DNAH14: variants seen among roughly 807,000 people sequenced by gnomAD.
DNAH14 encodes axonemal beta dynein heavy chain 14.
Under a neutral mutation model 520.9 loss-of-function variants are expected in DNAH14, and 478 were observed. The observed-to-expected ratio is 0.92, with a 90% CI of 0.85 to 0.99. The LOEUF is 0.99. Ranked by LOEUF, DNAH14 falls within the 50% of genes least tolerant of loss-of-function variation. DNAH14 has a pLI of 0.00. For missense variants in DNAH14, 4,831 were observed against 5,234.5 expected (o/e 0.92, Z 2.38); for synonymous variants, 1,581 against 1,757.2 (o/e 0.90, Z 2.51).
chr1:225,187,550 C>T (rs901656709), intron 37 of DNAH14, among the ~76,000 whole-genome samples: 1 of 151,754 alleles, frequency 6.6e-6, no homozygotes, highest in Non-Finnish European at 1.5e-5. Flanking sequence ...CTGTGTTTAG[C>T]TTTTTGAGGA....
chr1:225,259,078 T>C, intron 45 of DNAH14, 43 bp from the exon 46 acceptor site: 7 of 1,485,298 alleles, frequency 4.7e-6, no homozygotes, highest in Non-Finnish European at 6.2e-6. Flanking sequence ...ACATGTATCA[T>C]TTTCTTGCAT....
At chr1:225,381,743 CTCT>C (rs1453199388) in intron 81 of DNAH14, among the ~76,000 whole-genome samples, 164 bp downstream of exon 81, 1 of 152,188 alleles carries the variant, frequency 6.6e-6, no homozygotes, top group Non-Finnish European at 1.5e-5. Flanking sequence ...GTTGGAATGC[CTCT>C]TAACAGTCAC....
intron 77 of DNAH14, among the ~76,000 whole-genome samples, chr1:225,372,152 T>G (rs147899807): frequency 6.6e-6 from 1 of 152,258 alleles, no homozygotes; most frequent in African/African-American, 2.4e-5. Flanking sequence ...GCTTCCCATA[T>G]CATAACTATC....
At chr1:225,247,706 G>A (rs1278468841) in intron 43 of DNAH14, among the ~76,000 whole-genome samples, 1 of 152,152 alleles carries the variant, frequency 6.6e-6, no homozygotes, top group Non-Finnish European at 1.5e-5. Flanking sequence ...ATAGAGAAAA[G>A]ACAATATCTA....
intron 55 of DNAH14, among the ~76,000 whole-genome samples, chr1:225,293,218 T>C (rs1178014274): frequency 6.6e-6 from 1 of 152,098 alleles, no homozygotes; most frequent in African/African-American, 2.4e-5. Context: ...TTATACATGG[T>C]TGGTGGGTGT....
At chr1:225,347,202 A>G (rs2150431718) in intron 71 of DNAH14, among the ~76,000 whole-genome samples, 1 of 152,308 alleles carries the variant, frequency 6.6e-6, no homozygotes, top group Non-Finnish European at 1.5e-5. Flanking sequence ...TTAAGTCTGC[A>G]AGATGGCAGA....
chr1:225,327,726 T>C (rs1178271277), intron 64 of DNAH14, among the ~76,000 whole-genome samples: 3 of 146,030 alleles, frequency 2.1e-5, no homozygotes, highest in Non-Finnish European at 1.5e-5. Flanking sequence ...AAGATTAGAG[T>C]AGAGATAAAC....
intron 17 of DNAH14, among the ~76,000 whole-genome samples, chr1:225,062,500 A>T (rs2070295787): frequency 6.6e-6 from 1 of 152,090 alleles, no homozygotes; most frequent in South Asian, 2.1e-4. Flanking sequence ...TAAGTTGAGG[A>T]TATGGCTGAA....
chr1:225,348,912 A>G (rs1187120275), intron 71 of DNAH14, among the ~76,000 whole-genome samples: 1 of 152,240 alleles, frequency 6.6e-6, no homozygotes, highest in Non-Finnish European at 1.5e-5. Context: ...TATGCAATAT[A>G]TAAAAATGTA....
At chr1:225,290,666 T>C (rs1316116641) in intron 55 of DNAH14, among the ~76,000 whole-genome samples, 4 of 116,878 alleles carry the variant, frequency 3.4e-5, no homozygotes, top group Non-Finnish European at 5.0e-5. Context: ...TATATATATA[T>C]ATATATATAT....
At position 225,062,643 on chromosome 1, in the gene DNAH14, A is replaced by G. The variant is rs576717570; in HGVS notation, c.2424+10848A>G. Among the ~76,000 whole-genome samples, 15 of 152,350 alleles carry G rather than the reference A, an allele frequency of 9.8e-5. No homozygotes were observed. In the East Asian group the frequency reaches 2.7e-3, roughly 27 times the overall value. On this transcript the variant is annotated intron_variant, in intron 17 of 85. Coordinates refer to ENST00000682510, the MANE Select transcript of DNAH14 (RefSeq NM_001367479.1). ...AAGTTCACAAAGATGAATTGGAACCACTAATTGTAAGCAGAACAATCTTTT... is the reference window on the plus strand; with the variant it reads ...AAGTTCACAAAGATGAATTGGAACCGCTAATTGTAAGCAGAACAATCTTTT...
intron 23 of DNAH14, among the ~76,000 whole-genome samples, chr1:225,105,716 C>CT (rs1040695595): frequency 6.6e-6 from 1 of 151,974 alleles, no homozygotes; most frequent in African/African-American, 2.4e-5. Flanking sequence ...AACGCCTGCC[C>CT]TTTTTTGTTT....
chr1:225,045,795 A>G (rs1265059789), intron 15 of DNAH14, among the ~76,000 whole-genome samples: 1 of 152,132 alleles, frequency 6.6e-6, no homozygotes, highest in Non-Finnish European at 1.5e-5. Flanking sequence ...AGGTTTCTCC[A>G]TGATGAAGTT....
At chr1:225,345,793 T>C (rs1046485674) in intron 69 of DNAH14, among the ~76,000 whole-genome samples, 169 bp from the exon 70 acceptor site, 1 of 152,128 alleles carries the variant, frequency 6.6e-6, no homozygotes, top group African/African-American at 2.4e-5. Context: ...AATTTATTAA[T>C]CAAATTCTTA....
chr1:225,058,247 G>T (rs1370957076), intron 17 of DNAH14, among the ~76,000 whole-genome samples: 1 of 152,092 alleles, frequency 6.6e-6, no homozygotes, highest in Non-Finnish European at 1.5e-5. Flanking sequence ...CTTCTTCCTG[G>T]TTTAGTCTTG....
intron 36 of DNAH14, among the ~76,000 whole-genome samples, chr1:225,171,731 A>G (rs1270824406): frequency 6.6e-6 from 1 of 152,184 alleles, no homozygotes; most frequent in Non-Finnish European, 1.5e-5. Flanking sequence ...AACTATTCCA[A>G]TCAATAGAAA....
At chr1:225,155,588 C>G (rs1042657155) in intron 34 of DNAH14, among the ~76,000 whole-genome samples, 1 of 152,182 alleles carries the variant, frequency 6.6e-6, no homozygotes, top group African/African-American at 2.4e-5. Flanking sequence ...GTCCTGTAGT[C>G]ACCTAGTTCT....
intron 48 of DNAH14, among the ~76,000 whole-genome samples, chr1:225,266,226 A>G (rs2093111625): frequency 6.6e-6 from 1 of 152,180 alleles, no homozygotes; most frequent in Admixed American, 6.5e-5. Context: ...ACCAGGGTGC[A>G]TATGGAATAA....
intron 23 of DNAH14, among the ~76,000 whole-genome samples, chr1:225,113,132 G>A (rs947112925): frequency 6.6e-6 from 1 of 152,086 alleles, no homozygotes; most frequent in African/African-American, 2.4e-5. Context: ...GGCCTTCCAG[G>A]TATTTTAAGA....
Sources: allele counts gnomAD v4.1 joint callset (sites outside exome capture counted in the v4.1 genomes callset), GRCh38; gene constraint gnomAD v4.1.1; transcripts MANE v1.5; gene names NCBI Gene and HGNC (gene_info 2026-07-23, HGNC 2026-07-21).